BPTF: variants seen among roughly 807,000 people sequenced by gnomAD.
The protein encoded by BPTF is bromodomain PHD finger transcription factor, also known as nucleosome-remodeling factor subunit BPTF.
A neutral mutation model predicts 292.5 loss-of-function variants in BPTF; 18 were observed. The ratio of observed to expected loss-of-function variants is 0.06; its 90% CI spans 0.04 to 0.09. The LOEUF (loss-of-function observed/expected upper bound fraction) is 0.09, where lower values mean the gene tolerates loss of function less well. Ranked by LOEUF, BPTF falls within the 10% of genes least tolerant of loss-of-function variation. The pLI is 1.00. For missense variants in BPTF, 2,726 were observed against 3,498.7 expected (o/e 0.78, Z 5.57); for synonymous variants, 1,225 against 1,251.9 (o/e 0.98, Z 0.45).
In BPTF at chr17:67,944,087, A is replaced by T. The variant is rs1164501390; in HGVS notation, c.6478-63A>T. The T allele has an allele frequency of 3.3e-6, 4 of 1,200,630 alleles. No homozygotes were observed. The African/African-American group carries it at 4.6e-5, about 14-fold the overall frequency. The allele number at this position is 1,200,630 out of a possible 1,614,324, so 74.4% of individuals were successfully genotyped here. A position where few individuals can be genotyped will look rare whatever the true frequency, so the allele number is the denominator to read the frequency against. On this transcript the variant is annotated intron_variant, in intron 19 of 27. Coordinates refer to ENST00000306378, the MANE Select transcript of BPTF (RefSeq NM_182641.4). ...TAATTACACATAAAAATGATTTAAT[A>T]AAAATGATATACATACAGATTGATG...
chr17:67,892,058 A>C, intron 5 of BPTF, 24 bp downstream of exon 5: 1 of 1,494,640 alleles, frequency 6.7e-7, no homozygotes, highest in Non-Finnish European at 9.0e-7. Flanking sequence ...GTTTAAAACA[A>C]AAATCTGTGG....
intron 18 of BPTF, among the ~76,000 whole-genome samples, chr17:67,932,663 T>C (rs1002221990): frequency 6.6e-6 from 1 of 152,098 alleles, no homozygotes; most frequent in African/African-American, 2.4e-5. Context: ...ATCATGCCAC[T>C]GCACTCCAGC....
intron 1 of BPTF, among the ~76,000 whole-genome samples, chr17:67,833,271 G>A (rs1163644917): frequency 6.6e-6 from 1 of 150,688 alleles, no homozygotes; most frequent in Non-Finnish European, 1.5e-5. Flanking sequence ...TGGAGACAGG[G>A]TCTTGCAGTG....
rs1301652327 is a variant in BPTF, at chr17:67,874,763, G to A, written c.1661-54G>A. The A allele has an allele frequency of 3.3e-6, 4 of 1,207,132 alleles. No homozygotes were observed. The Admixed American group carries it at 8.2e-5, about 25-fold the overall frequency. The allele number at this position is 1,207,132 out of a possible 1,614,324, so 74.8% of individuals were successfully genotyped here. A position where few individuals can be genotyped will look rare whatever the true frequency, so the allele number is the denominator to read the frequency against. ...ACTCGTAAGTGACATTTGTGGTACT[G>A]TTCTATTTGGTTATATATAGGAATA... On this transcript the variant is annotated intron_variant, in intron 3 of 27. Transcript: ENST00000306378.
chr17:67,963,691 A>T (rs1389895371), intron 24 of BPTF, among the ~76,000 whole-genome samples: 1 of 152,026 alleles, frequency 6.6e-6, no homozygotes, highest in African/African-American at 2.4e-5. Flanking sequence ...ATCTTGCTTC[A>T]TAGTGAATGT....
At chr17:67,855,445 A>T (rs115088408) in intron 2 of BPTF, among the ~76,000 whole-genome samples, 3 of 152,304 alleles carry the variant, frequency 2.0e-5, no homozygotes, top group African/African-American at 7.2e-5. Context: ...GTTTTACCAT[A>T]TCTGTATGTA....
intron 14 of BPTF, 100 bp from the exon 15 acceptor site, chr17:67,924,447 T>C: frequency 8.3e-7 from 1 of 1,203,490 alleles, no homozygotes; most frequent in East Asian, 2.4e-5. Flanking sequence ...GATAATATCA[T>C]ACCTTTGTAT....
In BPTF at chr17:67,835,212, TA is replaced by T. The variant is rs35146367; in HGVS notation, c.613+8885del. Reference sequence around the variant, plus strand: ...GGTGACAGAGTGAGAACCCATCTCTTAAAAAAAAAATTTAAGTAAAATGAAA... The same window carrying T: ...GGTGACAGAGTGAGAACCCATCTCTTAAAAAAAAATTTAAGTAAAATGAAA... On this transcript the variant is annotated intron_variant, in intron 1 of 27. Coordinates refer to ENST00000306378, the MANE Select transcript of BPTF (RefSeq NM_182641.4). Among the ~76,000 whole-genome samples, 289 of 150,668 alleles carry T rather than the reference TA, an allele frequency of 1.9e-3. 5 individuals are homozygous for T. The South Asian group carries it at 0.045, about 24-fold the overall frequency.
intron 23 of BPTF, among the ~76,000 whole-genome samples, chr17:67,948,764 G>C (rs951871080): frequency 6.6e-6 from 1 of 152,210 alleles, no homozygotes; most frequent in Non-Finnish European, 1.5e-5. Flanking sequence ...AAGACAGGCA[G>C]ATCACTTGAG....
At chr17:67,968,054 TAGG>T (rs77596502) in intron 26 of BPTF, among the ~76,000 whole-genome samples, 29,366 of 151,086 alleles carry the variant, frequency 0.19, 4,016 homozygotes, top group East Asian at 0.66. Flanking sequence ...AAAATGGTAA[TAGG>T]AGCCACGAGT....
intron 12 of BPTF, among the ~76,000 whole-genome samples, chr17:67,919,132 A>G (rs2063251392): frequency 6.6e-6 from 1 of 150,648 alleles, no homozygotes; most frequent in Non-Finnish European, 1.5e-5. Flanking sequence ...AGATTGTGCC[A>G]CTGCACTCCA....
At chr17:67,956,662 T>TA (rs76958906) in intron 23 of BPTF, 19,387 of 108,000 alleles carry the variant, frequency 0.18, 1,594 homozygotes, top group Middle Eastern at 0.24. Flanking sequence ...CAGTTCTACT[T>TA]AAAAAAAAAA....
At chr17:67,874,684 A>T in intron 3 of BPTF, 133 bp from the exon 4 acceptor site, 1 of 566,268 alleles carries the variant, frequency 1.8e-6, no homozygotes, top group Non-Finnish European at 3.1e-6. Flanking sequence ...TTTATTTCAT[A>T]GGTCTAATGC....
intron 24 of BPTF, chr17:67,963,607 A>G (rs1175146919): frequency 1.7e-6 from 2 of 1,200,858 alleles, no homozygotes; most frequent in Non-Finnish European, 2.1e-6. Context: ...TTTTTTCTAC[A>G]TTTATTATAC....
At chr17:67,848,838 A>T (rs1384746669) in intron 1 of BPTF, among the ~76,000 whole-genome samples, 1 of 152,222 alleles carries the variant, frequency 6.6e-6, no homozygotes, top group African/African-American at 2.4e-5. Flanking sequence ...ATAAGCTATC[A>T]GGTGGTCCAG....
chr17:67,966,042 G>A (rs1248919933), intron 25 of BPTF: 7 of 155,838 alleles, frequency 4.5e-5, no homozygotes, highest in African/African-American at 7.2e-5. Context: ...ATGACAGAGC[G>A]AGACCCTGTC....
intron 19 of BPTF, among the ~76,000 whole-genome samples, chr17:67,941,588 A>G (rs555181113): frequency 2.6e-5 from 4 of 152,348 alleles, no homozygotes; most frequent in Admixed American, 1.3e-4. Flanking sequence ...CACTTGTTAT[A>G]TGACAAAGGT....
At chr17:67,852,693 A>G (rs914025596) in intron 1 of BPTF, among the ~76,000 whole-genome samples, 5 of 152,224 alleles carry the variant, frequency 3.3e-5, no homozygotes, top group Non-Finnish European at 5.9e-5. Context: ...TGTAAACTAT[A>G]TTGAATTAAA....
chr17:67,980,469 T>C (rs1460358048), intron 27 of BPTF, among the ~76,000 whole-genome samples: 1 of 152,264 alleles, frequency 6.6e-6, no homozygotes, highest in Admixed American at 6.5e-5. Flanking sequence ...CCCTCTATGC[T>C]TTTTCATTTG....
Sources: allele counts gnomAD v4.1 joint callset (sites outside exome capture counted in the v4.1 genomes callset), GRCh38; gene constraint gnomAD v4.1.1; transcripts MANE v1.5; gene names NCBI Gene and HGNC (gene_info 2026-07-23, HGNC 2026-07-21).